SP100: variants seen among roughly 807,000 people sequenced by gnomAD.
SP100 encodes the protein SP100 nuclear body protein, also known as nuclear autoantigen Sp-100.
A neutral mutation model predicts 130.0 loss-of-function variants in SP100; 84 were observed. The observed-to-expected ratio is 0.65, with a 90% confidence interval of 0.54 to 0.77. The LOEUF (loss-of-function observed/expected upper bound fraction) is 0.77, where lower values mean the gene tolerates loss of function less well. Ranked by LOEUF, SP100 falls within the 30% of genes least tolerant of loss-of-function variation. The pLI is 0.00. For missense variants in SP100, 978 were observed against 1,052.2 expected (o/e 0.93, Z 0.97); for synonymous variants, 331 against 351.7 (o/e 0.94, Z 0.66).
In SP100 at chr2:230,448,336, T is replaced by C. The variant is rs114234011; in HGVS notation, c.524-752T>C. ...CCTTGTCATTAACAGCTCACTTTGA[T>C]TGAACATCTACTCTGTGGCGGTTGG... On this transcript the variant is annotated intron_variant, in intron 5 of 28. Transcript: ENST00000340126. Among the ~76,000 whole-genome samples, 1,118 of 152,316 alleles carry C rather than the reference T, an allele frequency of 7.3e-3. 6 individuals are homozygous for C. The highest frequency in any genetic ancestry group is 0.012 in the Non-Finnish European group (797 of 68,022).
chr2:230,485,126 ATTTT>A (rs1031914041), intron 17 of SP100, among the ~76,000 whole-genome samples: 17 of 150,462 alleles, frequency 1.1e-4, no homozygotes, highest in African/African-American at 4.1e-4. Flanking sequence ...TTTATTATTT[ATTTT>A]ATTTTAGAGA....
Position 230,446,805 on chromosome 2 carries a change from C to T in SP100, c.440-14C>T. 1 of 1,544,928 alleles carries T rather than the reference C, an allele frequency of 6.5e-7. No individual in the cohort carries two copies. Among genetic ancestry groups the T allele is most frequent in the Non-Finnish European group, 8.9e-7 (1 of 1,119,058 alleles). On this transcript the variant is annotated splice_polypyrimidine_tract_variant and intron_variant, in intron 4 of 28. Transcript: ENST00000340126. ...GTAGATCTCTAATTGCTTCTTCTCTCTCCCACTCTTCAGTAATCCATGACA... is the reference window on the plus strand; with the variant it reads ...GTAGATCTCTAATTGCTTCTTCTCTTTCCCACTCTTCAGTAATCCATGACA...
rs575064829 is a variant in SP100 at position 230,527,182 on chromosome 2, C to T, written c.2095-12085C>T. Among the ~76,000 whole-genome samples, 124 of 152,236 alleles carry T rather than the reference C, an allele frequency of 8.1e-4. 1 individual carries two copies. The Middle Eastern group carries it at 0.02, about 25-fold the overall frequency. On this transcript the variant is annotated intron_variant, in intron 24 of 28. Coordinates refer to ENST00000340126, the MANE Select transcript of SP100 (RefSeq NM_001080391.2). ...GTTAAGGGCAGCCAGAGAGAAAGGT[C>T]GGGTTACCCACAAAGGGAAGCCCAT...
intron 2 of SP100, among the ~76,000 whole-genome samples, chr2:230,424,666 C>T (rs1488229018): frequency 9.1e-6 from 1 of 109,986 alleles, no homozygotes; most frequent in Non-Finnish European, 1.9e-5. Flanking sequence ...GAGACTCCAT[C>T]TCAAAAAAAA....
intron 15 of SP100, among the ~76,000 whole-genome samples, chr2:230,471,231 A>G (rs1000329440): frequency 6.6e-6 from 1 of 152,230 alleles, no homozygotes; most frequent in Non-Finnish European, 1.5e-5. Context: ...ACAAAAATGT[A>G]TAGCAGCAGG....
At chr2:230,429,871 G>A (rs1265342302) in intron 2 of SP100, among the ~76,000 whole-genome samples, 1 of 151,752 alleles carries the variant, frequency 6.6e-6, no homozygotes, top group African/African-American at 2.4e-5. Flanking sequence ...TTCTAATTTT[G>A]TTGAGTTGTC....
At chr2:230,456,421 A>G (rs989491503) in intron 8 of SP100, among the ~76,000 whole-genome samples, 31 of 152,284 alleles carry the variant, frequency 2.0e-4, no homozygotes, top group Non-Finnish European at 2.8e-4. Context: ...ATTGGAGACC[A>G]TTGACCTTCT....
intron 18 of SP100, 100 bp from the exon 19 acceptor site, chr2:230,498,347 TCTTTGTGTGTTAGG>T: frequency 2.1e-6 from 1 of 485,994 alleles, no homozygotes; most frequent in Non-Finnish European, 3.6e-6. Context: ...TACATATTTT[TCTTTGTGTGTTAGG>T]CTCTGGAAAA....
intron 8 of SP100, among the ~76,000 whole-genome samples, chr2:230,458,266 A>G (rs1426513194): frequency 6.6e-6 from 1 of 152,246 alleles, no homozygotes; most frequent in Non-Finnish European, 1.5e-5. Context: ...TCTCACAATG[A>G]AGTAAGATCT....
intron 2 of SP100, among the ~76,000 whole-genome samples, chr2:230,422,883 G>T (rs976770538): frequency 2.0e-5 from 3 of 151,972 alleles, no homozygotes; most frequent in Non-Finnish European, 4.4e-5. Flanking sequence ...TTTTGTTGTG[G>T]GATTTTACCT....
chr2:230,474,514 T>C, intron 17 of SP100, 67 bp downstream of exon 17: 3 of 783,592 alleles, frequency 3.8e-6, no homozygotes. Context: ...TGCTAAGGTT[T>C]ATTATCATCA....
intron 17 of SP100, among the ~76,000 whole-genome samples, chr2:230,489,259 T>C (rs2066271563): frequency 6.6e-6 from 1 of 152,228 alleles, no homozygotes; most frequent in South Asian, 2.1e-4. Context: ...GGAGGGTGTA[T>C]GTTTCCAGGA....
At chr2:230,497,531 GGAGAGGAGAGGAGAGGA>G (rs2066750251) in intron 18 of SP100, among the ~76,000 whole-genome samples, 1 of 60,630 alleles carries the variant, frequency 1.6e-5, no homozygotes, top group South Asian at 6.3e-4. Flanking sequence ...GGAGAGGAGA[GGAGAGGAGAGGAGAGGA>G]AAGGAAAGGA....
intron 28 of SP100, 109 bp from the exon 29 acceptor site, chr2:230,542,727 C>A: frequency 1.7e-6 from 1 of 590,858 alleles, no homozygotes; most frequent in Non-Finnish European, 3.0e-6. Flanking sequence ...TAGATTAATT[C>A]TCACTTAACA....
intron 24 of SP100, among the ~76,000 whole-genome samples, chr2:230,527,689 C>T (rs1331277055): frequency 6.6e-6 from 1 of 152,056 alleles, no homozygotes; most frequent in Non-Finnish European, 1.5e-5. Flanking sequence ...AACTCACATG[C>T]AAAGACACAC....
intron 2 of SP100, among the ~76,000 whole-genome samples, chr2:230,422,573 A>C (rs1159366853): frequency 6.6e-6 from 1 of 152,118 alleles, no homozygotes; most frequent in Non-Finnish European, 1.5e-5. Flanking sequence ...TTGTTTTTTC[A>C]TTCTGTGAAA....
chr2:230,449,058 T>C, intron 5 of SP100, 30 bp from the exon 6 acceptor site: 1 of 1,366,152 alleles, frequency 7.3e-7, no homozygotes, highest in Non-Finnish European at 1.0e-6. Flanking sequence ...CCTCGATTTC[T>C]GAAATAAACT....
intron 23 of SP100, 29 bp downstream of exon 23, chr2:230,508,060 T>C: frequency 6.2e-7 from 1 of 1,612,602 alleles, no homozygotes; most frequent in Non-Finnish European, 8.5e-7. Flanking sequence ...TCTGCCAATG[T>C]CTCGTCTATT....
At chr2:230,528,694 G>A (rs1691551445) in intron 24 of SP100, among the ~76,000 whole-genome samples, 1 of 152,134 alleles carries the variant, frequency 6.6e-6, no homozygotes, top group Non-Finnish European at 1.5e-5. Flanking sequence ...GACTAGTAAA[G>A]AAGAAAAGGG....
Sources: allele counts gnomAD v4.1 joint callset (sites outside exome capture counted in the v4.1 genomes callset), GRCh38; gene constraint gnomAD v4.1.1; transcripts MANE v1.5; gene names NCBI Gene and HGNC (gene_info 2026-07-23, HGNC 2026-07-21).